GPR39: variants seen among roughly 807,000 people sequenced by gnomAD.
The protein encoded by GPR39 is zinc sensing receptor.
Under a neutral mutation model 18.4 loss-of-function variants are expected in GPR39, and 23 were observed. That is an observed-to-expected ratio of 1.25 (90% CI 0.90 to 1.77). The LOEUF (loss-of-function observed/expected upper bound fraction) is 1.77. GPR39 is among the 40% of genes most tolerant of loss of function. GPR39 has a pLI of 0.00. For synonymous variants in GPR39, 280 were observed against 257.9 expected, an observed-to-expected ratio of 1.09 and a Z score of -0.82; for missense variants, 647 against 602.4, an observed-to-expected ratio of 1.07 and a Z score of -0.78.
intron 1 of GPR39, among the ~76,000 whole-genome samples, chr2:132,612,126 G>T (rs1295043647): frequency 6.6e-6 from 1 of 152,110 alleles, no homozygotes; most frequent in Admixed American, 6.6e-5. Context: ...AAACGCTCAG[G>T]CCAGACAATT....
intron 1 of GPR39, among the ~76,000 whole-genome samples, chr2:132,516,929 TG>T (rs1679344631): frequency 6.6e-6 from 1 of 152,210 alleles, no homozygotes; most frequent in South Asian, 2.1e-4. Flanking sequence ...TATTTCATAT[TG>T]GTGATACCAG....
At chr2:132,610,779 A>G (rs1006203678) in intron 1 of GPR39, among the ~76,000 whole-genome samples, 1 of 44,004 alleles carries the variant, frequency 2.3e-5, no homozygotes, top group Non-Finnish European at 4.1e-5. Context: ...TCTGTCTCCA[A>G]AAAAAAAAAA....
intron 1 of GPR39, among the ~76,000 whole-genome samples, chr2:132,596,842 A>G (rs1573689037): frequency 6.6e-6 from 1 of 152,310 alleles, no homozygotes; most frequent in East Asian, 1.9e-4. Flanking sequence ...TTCTAAAAAG[A>G]TCCCCTGTTG....
At chr2:132,433,554 T>C (rs1172006349) in intron 1 of GPR39, among the ~76,000 whole-genome samples, 1 of 151,952 alleles carries the variant, frequency 6.6e-6, no homozygotes, top group East Asian at 2.0e-4. Flanking sequence ...GTGCTGGAAG[T>C]GCTGCCAAGA....
intron 1 of GPR39, among the ~76,000 whole-genome samples, chr2:132,621,363 G>A (rs746108199): frequency 8.5e-5 from 13 of 152,216 alleles, no homozygotes; most frequent in African/African-American, 2.9e-4. Context: ...ATGACTTGGC[G>A]CTTACCTCTC....
intron 1 of GPR39, among the ~76,000 whole-genome samples, chr2:132,474,803 A>C (rs1236116677): frequency 1.3e-5 from 2 of 152,190 alleles, no homozygotes; most frequent in East Asian, 3.9e-4. Flanking sequence ...GTTCCATGGC[A>C]GCATATTCAT....
chr2:132,545,780 T>G (rs1176405169), intron 1 of GPR39, among the ~76,000 whole-genome samples: 1 of 152,116 alleles, frequency 6.6e-6, no homozygotes, highest in Non-Finnish European at 1.5e-5. Flanking sequence ...TCAGTCAGTC[T>G]GGGGGCAGGC....
At chr2:132,626,111 A>C (rs948325010) in intron 1 of GPR39, among the ~76,000 whole-genome samples, 13 of 151,764 alleles carry the variant, frequency 8.6e-5, no homozygotes, top group Non-Finnish European at 1.8e-4. Flanking sequence ...AAAAAAAAAA[A>C]CAAAAAACTA....
chr2:132,440,152 G>C (rs1307945097), intron 1 of GPR39, among the ~76,000 whole-genome samples: 2 of 152,158 alleles, frequency 1.3e-5, no homozygotes, highest in Admixed American at 1.3e-4. Context: ...GCTGATGGTA[G>C]GTCACGGACC....
intron 1 of GPR39, among the ~76,000 whole-genome samples, chr2:132,502,668 G>C (rs997873980): frequency 1.3e-5 from 2 of 152,202 alleles, no homozygotes; most frequent in East Asian, 3.9e-4. Context: ...TATGTTTTCC[G>C]AACTTTTAGA....
intron 1 of GPR39, among the ~76,000 whole-genome samples, chr2:132,483,232 TGTC>T (rs1226151983): frequency 6.6e-6 from 1 of 152,256 alleles, no homozygotes; most frequent in Non-Finnish European, 1.5e-5. Flanking sequence ...TTGTTGTTGT[TGTC>T]ATTGTTATGA....
chr2:132,465,759 C>T (rs1371311113), intron 1 of GPR39, among the ~76,000 whole-genome samples: 2 of 152,084 alleles, frequency 1.3e-5, no homozygotes, highest in African/African-American at 2.4e-5. Flanking sequence ...TTTTTGCCTA[C>T]CACTTAATAG....
chr2:132,544,329 G>A (rs577759573), intron 1 of GPR39, among the ~76,000 whole-genome samples: 1 of 152,276 alleles, frequency 6.6e-6, no homozygotes, highest in African/African-American at 2.4e-5. Flanking sequence ...ATGCTTAGGA[G>A]GCCAGGCAGG....
chr2:132,580,406 T>C (rs1300718678), intron 1 of GPR39, among the ~76,000 whole-genome samples: 2 of 152,132 alleles, frequency 1.3e-5, no homozygotes, highest in East Asian at 3.9e-4. Flanking sequence ...AGCAGGAAAG[T>C]GCCGGTGGCT....
chr2:132,596,052 C>G (rs1321506482), intron 1 of GPR39, among the ~76,000 whole-genome samples: 1 of 152,180 alleles, frequency 6.6e-6, no homozygotes, highest in Non-Finnish European at 1.5e-5. Context: ...GCCCCACTGG[C>G]TCTCCAAGCT....
intron 1 of GPR39, among the ~76,000 whole-genome samples, chr2:132,433,367 G>T (rs374916175): frequency 4.6e-5 from 7 of 152,068 alleles, no homozygotes; most frequent in African/African-American, 1.7e-4. Flanking sequence ...TGTTCCTAGT[G>T]TCCACTTGCA....
chr2:132,645,535 C>G lies in GPR39; in HGVS notation c.1291C>G (p.Leu431Val). 6.2e-7 allele frequency: 1 copy of G among 1,614,162 alleles called. No individual in the cohort carries two copies. The highest frequency in any genetic ancestry group is 8.5e-7 in the Non-Finnish European group (1 of 1,180,024). ...SKSQSLSLES[L>V]EPNSGAKPAN... The stretch of plus-strand genomic sequence containing the variant: ...GTCCCAGTCATTGAGTCTCGAGTCA[C>G]TAGAGCCCAACTCAGGCGCGAAACC... Residue 431 changes from leucine to valine, a missense_variant, in exon 2 of 2, where the codon CTA becomes GTA. Transcript: ENST00000329321.
chr2:132,421,329 T>A (rs1454689806), intron 1 of GPR39, among the ~76,000 whole-genome samples: 1 of 152,142 alleles, frequency 6.6e-6, no homozygotes, highest in South Asian at 2.1e-4. Flanking sequence ...AAAGTAATTT[T>A]AAAAAAAGCA....
intron 1 of GPR39, among the ~76,000 whole-genome samples, chr2:132,569,021 A>G (rs1680397546): frequency 1.3e-5 from 2 of 152,048 alleles, no homozygotes; most frequent in Non-Finnish European, 2.9e-5. Context: ...GCATAGACTA[A>G]GCGCCTTGGT....
Sources: allele counts gnomAD v4.1 joint callset (sites outside exome capture counted in the v4.1 genomes callset), GRCh38; gene constraint gnomAD v4.1.1; transcripts MANE v1.5; gene names NCBI Gene and HGNC (gene_info 2026-07-23, HGNC 2026-07-21).